Variants in NXPE4 observed in about 807,000 individuals in gnomAD.
NXPE4 encodes NXPE family member 4.
NXPE4 carries 42 observed loss-of-function variants against 33.3 expected under a neutral mutation model. That is an observed-to-expected ratio of 1.26 (90% CI 0.98 to 1.63). The LOEUF (loss-of-function observed/expected upper bound fraction) is 1.63. NXPE4 is among the 40% of genes most tolerant of loss of function. The pLI, the probability that NXPE4 is intolerant of heterozygous loss-of-function variation, is 0.00. For missense variants in NXPE4, 709 were observed against 647.6 expected (o/e 1.09, Z -1.03); for synonymous variants, 253 against 234.9 (o/e 1.08, Z -0.71).
At chr11:114,621,589 A>C in the NXPE4 span, among the ~76,000 whole-genome samples, 1 of 152,176 alleles carries the variant, frequency 6.6e-6, no homozygotes, top group Non-Finnish European at 1.5e-5. Context: ...GTTGGATAAT[A>C]AATGTTTCCT....
chr11:114,607,255 G>A, the NXPE4 span, among the ~76,000 whole-genome samples: 66 of 151,946 alleles, frequency 4.3e-4, no homozygotes, highest in Admixed American at 3.7e-3. Context: ...TGGATAATAC[G>A]TGTTGCCTCA....
the NXPE4 span, among the ~76,000 whole-genome samples, chr11:114,613,630 T>A: frequency 6.6e-6 from 1 of 151,944 alleles, no homozygotes; most frequent in Non-Finnish European, 1.5e-5. Context: ...TGTTACACAC[T>A]GGATAACAAG....
the NXPE4 span, among the ~76,000 whole-genome samples, chr11:114,634,580 G>A: frequency 6.6e-6 from 1 of 151,928 alleles, no homozygotes; most frequent in South Asian, 2.1e-4. Context: ...TTTCTTCTAG[G>A]GTTTTTATGG....
At chr11:114,608,840 TAA>T in the NXPE4 span, among the ~76,000 whole-genome samples, 1 of 151,940 alleles carries the variant, frequency 6.6e-6, no homozygotes, top group African/African-American at 2.4e-5. Context: ...TGGTGGATAA[TAA>T]GTGTTGCCTT....
the NXPE4 span, among the ~76,000 whole-genome samples, chr11:114,602,044 ATAT>A: frequency 1.1e-5 from 1 of 91,032 alleles, no homozygotes; most frequent in African/African-American, 4.6e-5. Flanking sequence ...TATATAATAT[ATAT>A]TATATTATAT....
the NXPE4 span, among the ~76,000 whole-genome samples, chr11:114,627,668 A>ACAC: frequency 6.6e-6 from 1 of 151,900 alleles, no homozygotes; most frequent in Non-Finnish European, 1.5e-5. Context: ...CACACATAAC[A>ACAC]ATATTAACTT....
the NXPE4 span, among the ~76,000 whole-genome samples, chr11:114,631,607 GGC>G: frequency 6.6e-6 from 1 of 151,844 alleles, no homozygotes; most frequent in African/African-American, 2.4e-5. Context: ...GCACCAGCAT[GGC>G]ACATGTATAC....
chr11:114,590,598 T>C (rs1346011670), intron 2 of NXPE4, among the ~76,000 whole-genome samples: 2 of 152,210 alleles, frequency 1.3e-5, no homozygotes, highest in Non-Finnish European at 2.9e-5. Context: ...GTACCAGCCC[T>C]CAGCCCCTCT....
the NXPE4 span, among the ~76,000 whole-genome samples, chr11:114,607,528 C>G: frequency 6.6e-6 from 1 of 151,958 alleles, no homozygotes; most frequent in East Asian, 1.9e-4. Context: ...TGGGTAACCA[C>G]TGTTACCCGG....
intron 3 of NXPE4, 94 bp from the exon 4 acceptor site, chr11:114,581,880 G>C: frequency 1.2e-6 from 1 of 848,256 alleles, no homozygotes; most frequent in Non-Finnish European, 1.9e-6. Context: ...TTATTTCTTA[G>C]AGATAAGTCA....
chr11:114,637,790 C>T, the NXPE4 span, among the ~76,000 whole-genome samples: 417 of 151,874 alleles, frequency 2.7e-3, 2 homozygotes, highest in African/African-American at 6.1e-3. Context: ...TGAATATTGG[C>T]CCCCACTCTC....
At chr11:114,580,411 A>G in intron 4 of NXPE4, 73 bp from the exon 5 acceptor site, 1 of 1,247,694 alleles carries the variant, frequency 8.0e-7, no homozygotes, top group Non-Finnish European at 1.2e-6. Flanking sequence ...AGAGCCTTCT[A>G]TCCTCTAAGT....
chr11:114,653,532 C>CTTTTT, the NXPE4 span, among the ~76,000 whole-genome samples: 2 of 125,218 alleles, frequency 1.6e-5, no homozygotes, highest in South Asian at 5.3e-4. Context: ...TCCTGCTTTC[C>CTTTTT]CTTTTTTTTT....
chr11:114,620,250 T>A, the NXPE4 span, among the ~76,000 whole-genome samples: 1 of 152,128 alleles, frequency 6.6e-6, no homozygotes. Context: ...TAATAATTAT[T>A]GCCTCGTGGG....
At chr11:114,659,205 C>T in the NXPE4 span, among the ~76,000 whole-genome samples, 1 of 152,048 alleles carries the variant, frequency 6.6e-6, no homozygotes, top group African/African-American at 2.4e-5. Flanking sequence ...AAACATTATA[C>T]CTTTCAATAA....
the NXPE4 span, among the ~76,000 whole-genome samples, chr11:114,640,127 A>T: frequency 1.3e-3 from 156 of 120,848 alleles, 4 homozygotes; most frequent in East Asian, 0.035. Context: ...TGTTATATGT[A>T]ATATATTATA....
chr11:114,644,836 A>C, the NXPE4 span, among the ~76,000 whole-genome samples: 2 of 151,986 alleles, frequency 1.3e-5, no homozygotes, highest in Non-Finnish European at 2.9e-5. Flanking sequence ...AAAAAAAAAA[A>C]CTGTAATTAA....
chr11:114,621,309 G>C, the NXPE4 span, among the ~76,000 whole-genome samples: 2 of 152,082 alleles, frequency 1.3e-5, no homozygotes, highest in African/African-American at 4.8e-5. Flanking sequence ...ATTGCTTTGT[G>C]GGTATCCACT....
At chr11:114,617,994 G>A in the NXPE4 span, among the ~76,000 whole-genome samples, 2 of 151,834 alleles carry the variant, frequency 1.3e-5, no homozygotes, top group East Asian at 3.9e-4. Flanking sequence ...GTTGCCTCGT[G>A]GGTAACCAGT....
Sources: allele counts gnomAD v4.1 joint callset (sites outside exome capture counted in the v4.1 genomes callset), GRCh38; gene constraint gnomAD v4.1.1; transcripts MANE v1.5; gene names NCBI Gene and HGNC (gene_info 2026-07-23, HGNC 2026-07-21).